DPP6: variants seen among roughly 807,000 people sequenced by gnomAD.
DPP6 encodes the protein dipeptidyl peptidase like 6.
A neutral mutation model predicts 122.6 loss-of-function variants in DPP6; 69 were observed. That is an observed-to-expected ratio of 0.56 (90% confidence interval 0.46 to 0.69). The LOEUF is 0.69. Among genes scored for constraint, DPP6 ranks in the 30% least tolerant of loss-of-function variants. DPP6 has a pLI of 0.00. For synonymous variants in DPP6, 418 were observed against 433.1 expected (o/e 0.97, Z 0.43); for missense variants, 928 against 1,116.9 (o/e 0.83, Z 2.41).
At chr7:153,860,319 C>T in the DPP6 span, among the ~76,000 whole-genome samples, 3 of 152,142 alleles carry the variant, frequency 2.0e-5, no homozygotes, top group Admixed American at 2.0e-4. Flanking sequence ...GCCTCTCCAC[C>T]CTGCTCAGTG....
the DPP6 span, among the ~76,000 whole-genome samples, chr7:153,845,434 CTT>C: frequency 6.6e-6 from 1 of 151,872 alleles, no homozygotes; most frequent in Admixed American, 6.6e-5. Flanking sequence ...TACTGCTAAA[CTT>C]TTGATCAGTT....
intron 4 of DPP6, among the ~76,000 whole-genome samples, chr7:154,545,281 G>GT (rs890092017): frequency 9.0e-4 from 136 of 150,710 alleles, no homozygotes; most frequent in African/African-American, 2.4e-3. Flanking sequence ...TATGTATCTT[G>GT]TTTTTTTTTC....
At chr7:154,889,432 CTTTT>C (rs11335725) in intron 24 of DPP6, 21 bp from the exon 25 acceptor site, 1,091 of 1,480,714 alleles carry the variant, frequency 7.4e-4, no homozygotes, top group Admixed American at 2.3e-3. Flanking sequence ...GTCTTCCTCT[CTTTT>C]TTTTTTTTTT....
At chr7:154,816,485 C>T (rs1251434635) in intron 16 of DPP6, among the ~76,000 whole-genome samples, 2 of 152,050 alleles carry the variant, frequency 1.3e-5, no homozygotes, top group Non-Finnish European at 2.9e-5. Flanking sequence ...GGGAACATGT[C>T]CCTGGTGGAT....
At chr7:154,210,358 A>C (rs185922198) in intron 1 of DPP6, among the ~76,000 whole-genome samples, 1 of 152,182 alleles carries the variant, frequency 6.6e-6, no homozygotes, top group East Asian at 1.9e-4. Context: ...CTCTCATCCA[A>C]CACTGTGTTA....
intron 7 of DPP6, among the ~76,000 whole-genome samples, chr7:154,678,995 T>G (rs767484845): frequency 0.11 from 16,221 of 152,220 alleles, 930 homozygotes; most frequent in East Asian, 0.15. Context: ...GGGTTAATCG[T>G]CTGAGAATGA....
chr7:154,120,070 A>G lies in DPP6; in HGVS notation c.243+67007A>G, dbSNP rs576718140. On this transcript the variant is annotated intron_variant, in intron 1 of 25. Transcript: ENST00000377770. ...AAGGTTGTTACTCTATAATATTCCA[A>G]ATATTGAGAGTTTCACTCTCAAGTT... 4.2e-4 allele frequency among the ~76,000 whole-genome samples: 64 copies of G among 152,280 alleles called. No homozygotes were observed. In the Middle Eastern group the frequency reaches 0.01, roughly 24 times the overall value.
At chr7:154,330,495 T>C (rs1331228279) in intron 1 of DPP6, among the ~76,000 whole-genome samples, 5 of 152,116 alleles carry the variant, frequency 3.3e-5, no homozygotes, top group African/African-American at 1.2e-4. Context: ...GAGCGTGATA[T>C]GATTCCTCTT....
At chr7:154,857,804 CA>C (rs1802969585) in intron 17 of DPP6, among the ~76,000 whole-genome samples, 1 of 152,202 alleles carries the variant, frequency 6.6e-6, no homozygotes, top group African/African-American at 2.4e-5. Flanking sequence ...AGGCAGCCGA[CA>C]AAGCCATTGT....
chr7:154,465,575 A>G (rs2151326485), intron 2 of DPP6, among the ~76,000 whole-genome samples: 1 of 152,380 alleles, frequency 6.6e-6, no homozygotes. Flanking sequence ...TCAAAAGAAG[A>G]CATTTATGTG....
At chr7:154,842,778 T>A (rs1202300699) in intron 16 of DPP6, among the ~76,000 whole-genome samples, 3 of 152,208 alleles carry the variant, frequency 2.0e-5, no homozygotes, top group Non-Finnish European at 2.9e-5. Context: ...CCAAATGTTG[T>A]TTTTATTGCG....
At chr7:154,309,929 T>G (rs1806715040) in intron 1 of DPP6, among the ~76,000 whole-genome samples, 1 of 151,580 alleles carries the variant, frequency 6.6e-6, no homozygotes, top group Admixed American at 6.6e-5. Flanking sequence ...CTAAATTATC[T>G]AAGACTCTGT....
chr7:154,758,118 C>T (rs1795262213), intron 8 of DPP6, among the ~76,000 whole-genome samples: 1 of 152,234 alleles, frequency 6.6e-6, no homozygotes, highest in Non-Finnish European at 1.5e-5. Flanking sequence ...CTTGCCTGTG[C>T]CCTGTCCTGG....
intron 1 of DPP6, among the ~76,000 whole-genome samples, chr7:153,933,824 G>A (rs1021211651): frequency 2.6e-5 from 4 of 152,088 alleles, no homozygotes; most frequent in Non-Finnish European, 5.9e-5. Context: ...ACACTGTGCC[G>A]CATCCTGGGT....
In DPP6 at chr7:154,052,867, G is replaced by A; in HGVS notation, c.47G>A (p.Arg16Lys). Residue 16 changes from arginine (R) to lysine (K), a missense_variant, in exon 1 of 26, where the codon AGG (arginine) becomes AAG (lysine). Coordinates refer to ENST00000377770, the MANE Select transcript of DPP6 (RefSeq NM_130797.4). This position sits in a 1 kb window ranked among gnomAD's most constrained non-coding sequence, Gnocchi z 4.8. ...TTCACTGGCAAGATCAACACCTCGA[G>A]GTCCTTCCCCGCGCCCCCGGAGGCG... ...QRFTGKINTS[R>K]SFPAPPEASH... The A allele has an allele frequency of 6.5e-7, 1 of 1,538,228 alleles. No homozygotes were observed. Among genetic ancestry groups the A allele is most frequent in the African/African-American group, 1.4e-5 (1 of 72,532 alleles).
At chr7:154,436,747 T>TGACTTCCTCTTTCCAGTGGC (rs1818902925) in intron 1 of DPP6, among the ~76,000 whole-genome samples, 1 of 152,198 alleles carries the variant, frequency 6.6e-6, no homozygotes, top group East Asian at 1.9e-4. Flanking sequence ...TCCTGTACCT[T>TGACTTCCTCTTTCCAGTGGC]GACTTCCTCT....
At chr7:153,811,267 A>C in the DPP6 span, among the ~76,000 whole-genome samples, 1 of 152,150 alleles carries the variant, frequency 6.6e-6, no homozygotes, top group Non-Finnish European at 1.5e-5. Context: ...CATTCTGATC[A>C]ATGTCCTCTT....
intron 8 of DPP6, among the ~76,000 whole-genome samples, chr7:154,748,871 G>A (rs973196802): frequency 3.3e-5 from 5 of 152,208 alleles, no homozygotes; most frequent in Admixed American, 6.5e-5. Flanking sequence ...GCCCAGTACC[G>A]CAGGCTTGCT....
At chr7:154,076,706 T>G (rs1418283917) in intron 1 of DPP6, among the ~76,000 whole-genome samples, 2 of 151,838 alleles carry the variant, frequency 1.3e-5, no homozygotes, top group Non-Finnish European at 2.9e-5. Flanking sequence ...AGGTGTGGCT[T>G]CTTCTTTTTA....
Sources: gnomAD v4.1 joint callset for allele counts (sites outside exome capture counted in the v4.1 genomes callset) on GRCh38, gnomAD v4.1.1 for gene constraint, Gnocchi (gnomAD v3.1) non-coding constraint, MANE v1.5 for transcripts, NCBI Gene and HGNC (gene_info 2026-07-23, HGNC 2026-07-21) for gene names.